Variants in MALRD1 observed in about 807,000 individuals in gnomAD.
The protein encoded by MALRD1 is MAM and LDL receptor class A domain containing 1.
A neutral mutation model predicts 242.1 loss-of-function variants in MALRD1; 247 were observed. The observed-to-expected ratio is 1.02, with a 90% CI of 0.92 to 1.13. The LOEUF is 1.13. Among genes scored for constraint, MALRD1 ranks in the 50% most tolerant of loss-of-function variants. MALRD1 has a pLI of 0.00. For missense variants in MALRD1, 2,989 were observed against 2,533.1 expected (o/e 1.18, Z -3.86); for synonymous variants, 995 against 866.6 (o/e 1.15, Z -2.60).
intron 21 of MALRD1, among the ~76,000 whole-genome samples, chr10:19,301,162 A>G (rs1379982337): frequency 1.3e-5 from 2 of 152,020 alleles, no homozygotes; most frequent in Admixed American, 6.6e-5. Flanking sequence ...ACAGTGAGAT[A>G]CCATCTCAAA....
intron 1 of MALRD1, chr10:19,051,928 A>C (rs1834514333): frequency 5.5e-6 from 1 of 183,406 alleles, no homozygotes; most frequent in Non-Finnish European, 1.1e-5. Flanking sequence ...TCTCAAAAAA[A>C]AAAAAAAAAA....
chr10:19,585,312 T>G (rs1837333470), intron 33 of MALRD1, among the ~76,000 whole-genome samples: 1 of 152,186 alleles, frequency 6.6e-6, no homozygotes. Flanking sequence ...TGTAGTTTCT[T>G]TCTAGTCTCG....
At chr10:19,074,038 G>C (rs534663014) in intron 2 of MALRD1, among the ~76,000 whole-genome samples, 8 of 152,070 alleles carry the variant, frequency 5.3e-5, no homozygotes, top group African/African-American at 1.9e-4. Context: ...GTGCTCAGGC[G>C]ATGACACAGA....
At chr10:19,481,842 T>C (rs1388298354) in intron 29 of MALRD1, among the ~76,000 whole-genome samples, 1 of 152,090 alleles carries the variant, frequency 6.6e-6, no homozygotes, top group African/African-American at 2.4e-5. Context: ...CAGTACAAGC[T>C]GGGGCTGCTT....
At chr10:19,438,074 A>G (rs1834427174) in intron 28 of MALRD1, among the ~76,000 whole-genome samples, 1 of 151,902 alleles carries the variant, frequency 6.6e-6, no homozygotes, top group Non-Finnish European at 1.5e-5. Flanking sequence ...AGCTCTTTTC[A>G]TCTTGCAAAA....
At chr10:19,358,195 A>AGTGT (rs776862926) in intron 26 of MALRD1, among the ~76,000 whole-genome samples, 25,185 of 145,260 alleles carry the variant, frequency 0.17, 2,422 homozygotes, top group Non-Finnish European at 0.21. Flanking sequence ...GCAGGAGTCA[A>AGTGT]GTGTGTGTGT....
chr10:19,230,653 C>T (rs1838011013), intron 18 of MALRD1, among the ~76,000 whole-genome samples: 1 of 152,070 alleles, frequency 6.6e-6, no homozygotes, highest in Non-Finnish European at 1.5e-5. Context: ...TATCAGATAC[C>T]AAAGCTGACA....
At chr10:19,699,155 C>T (rs999067699) in intron 38 of MALRD1, among the ~76,000 whole-genome samples, 3 of 151,834 alleles carry the variant, frequency 2.0e-5, no homozygotes, top group Non-Finnish European at 4.4e-5. Context: ...ACATGTATAC[C>T]TGTGTAAAAA....
intron 27 of MALRD1, 76 bp downstream of exon 27, chr10:19,387,849 C>T: frequency 6.8e-7 from 1 of 1,479,664 alleles, no homozygotes; most frequent in Non-Finnish European, 9.0e-7. Flanking sequence ...CTGATAGCAA[C>T]TGGGGAGCTC....
intron 29 of MALRD1, among the ~76,000 whole-genome samples, chr10:19,459,959 A>G (rs1446805292): frequency 6.6e-6 from 1 of 152,004 alleles, no homozygotes; most frequent in African/African-American, 2.4e-5. Context: ...GTAAATCTGA[A>G]TGTTAACATT....
intron 26 of MALRD1, among the ~76,000 whole-genome samples, chr10:19,382,356 A>ATG (rs1223711293): frequency 5.0e-5 from 1 of 20,126 alleles, no homozygotes. Flanking sequence ...GTGTGTGTGT[A>ATG]TGTGTGAGTG....
At chr10:19,119,749 A>C (rs141140679) in intron 5 of MALRD1, among the ~76,000 whole-genome samples, 169 of 152,320 alleles carry the variant, frequency 1.1e-3, no homozygotes, top group Non-Finnish European at 2.1e-3. Flanking sequence ...AGTCCTACAA[A>C]GGCAGTCTAG....
intron 36 of MALRD1, among the ~76,000 whole-genome samples, chr10:19,640,549 A>G (rs1840336179): frequency 1.3e-5 from 2 of 152,222 alleles, no homozygotes; most frequent in East Asian, 3.9e-4. Context: ...AAAGTTGCTA[A>G]TTGAGATAAC....
intron 22 of MALRD1, among the ~76,000 whole-genome samples, chr10:19,324,609 T>TTA (rs1554832835): frequency 6.2e-4 from 93 of 149,492 alleles, no homozygotes; most frequent in Middle Eastern, 3.5e-3. Context: ...ATTTTTTTTT[T>TTA]AAAAAAAAAC....
At chr10:19,449,810 C>T (rs1302327144) in intron 28 of MALRD1, among the ~76,000 whole-genome samples, 1 of 152,082 alleles carries the variant, frequency 6.6e-6, no homozygotes, top group African/African-American at 2.4e-5. Context: ...GTATAGCAAA[C>T]CTGCACACGT....
chr10:19,203,491 C>T lies in MALRD1; in HGVS notation c.1952-237C>T, dbSNP rs7094272. ...GAATGATGCTGTTTCTCAGAATATT[C>T]GGAAAAAAATTGTATTTCTTAAATT... On this transcript the variant is annotated intron_variant, in intron 14 of 39. Coordinates refer to ENST00000454679, the MANE Select transcript of MALRD1 (RefSeq NM_001142308.3). Among the ~76,000 whole-genome samples the T allele has an allele frequency of 5.7e-3, 866 of 152,134 alleles. 13 individuals are homozygous for T. The highest frequency in any genetic ancestry group is 0.02 in the African/African-American group (833 of 41,498).
At chr10:19,702,411 C>T (rs142769282) in intron 38 of MALRD1, among the ~76,000 whole-genome samples, 80 of 152,274 alleles carry the variant, frequency 5.3e-4, no homozygotes, top group African/African-American at 1.8e-3. Context: ...GCCATCCTGT[C>T]AGGGTGAGTC....
chr10:19,346,308 A>G (rs1172626277), intron 24 of MALRD1, among the ~76,000 whole-genome samples: 5 of 152,198 alleles, frequency 3.3e-5, no homozygotes, highest in South Asian at 4.1e-4. Context: ...AGGAATTACC[A>G]TAGCATCTGT....
At chr10:19,589,010 A>T (rs1243215864) in intron 33 of MALRD1, among the ~76,000 whole-genome samples, 1 of 152,224 alleles carries the variant, frequency 6.6e-6, no homozygotes. Flanking sequence ...TGCTTGTCAC[A>T]TTACTTGCAC....
Sources: gnomAD v4.1 joint callset for allele counts (sites outside exome capture counted in the v4.1 genomes callset) on GRCh38, gnomAD v4.1.1 for gene constraint, MANE v1.5 for transcripts, NCBI Gene and HGNC (gene_info 2026-07-23, HGNC 2026-07-21) for gene names.